Variants in CCDC112 observed in about 807,000 individuals in gnomAD.
CCDC112 encodes coiled-coil domain containing 112.
A neutral mutation model predicts 66.3 loss-of-function variants in CCDC112; 40 were observed. The observed-to-expected ratio is 0.60, with a 90% CI of 0.47 to 0.79. The LOEUF (loss-of-function observed/expected upper bound fraction) is 0.79. Among genes scored for constraint, CCDC112 ranks in the 30% least tolerant of loss-of-function variants. CCDC112 has a pLI of 0.00. For synonymous variants in CCDC112, 214 were observed against 197.2 expected (o/e 1.09, Z -0.71); for missense variants, 659 against 603.8 (o/e 1.09, Z -0.96).
chr5:115,280,772 T>A (rs1418200971), intron 2 of CCDC112, among the ~76,000 whole-genome samples: 1 of 152,082 alleles, frequency 6.6e-6, no homozygotes, highest in Non-Finnish European at 1.5e-5. Flanking sequence ...CAGGCTGGTC[T>A]TGAACTCCTG....
intron 2 of CCDC112, among the ~76,000 whole-genome samples, chr5:115,281,587 T>C (rs2963769): frequency 0.38 from 57,123 of 152,048 alleles, 11,292 homozygotes; most frequent in Middle Eastern, 0.6. Flanking sequence ...TGGGGAAAAT[T>C]ACTATGATAA....
At chr5:115,275,733 T>G (rs1291116868) in intron 5 of CCDC112, 127 bp from the exon 6 acceptor site, 8 of 772,958 alleles carry the variant, frequency 1.0e-5, no homozygotes, top group Non-Finnish European at 1.2e-5. Context: ...ATTTATAAAT[T>G]TAAGCCTTAA....
At chr5:115,279,903 A>G (rs1749379323) in intron 2 of CCDC112, 135 bp from the exon 3 acceptor site, 2 of 576,450 alleles carry the variant, frequency 3.5e-6, no homozygotes, top group African/African-American at 3.8e-5. Flanking sequence ...TACTTTGGTT[A>G]ATAAGGCTAA....
intron 1 of CCDC112, among the ~76,000 whole-genome samples, chr5:115,294,753 T>C (rs1054627243): frequency 6.6e-6 from 1 of 152,206 alleles, no homozygotes; most frequent in African/African-American, 2.4e-5. Flanking sequence ...TGTTAGGCTG[T>C]AGAATTTGTG....
chr5:115,285,281 A>G (rs1036488238), intron 1 of CCDC112, among the ~76,000 whole-genome samples: 3 of 152,186 alleles, frequency 2.0e-5, no homozygotes, highest in Admixed American at 6.5e-5. Context: ...TCTAGTGAGG[A>G]AAAACAGATT....
chr5:115,275,927 T>A (rs2127056922), intron 5 of CCDC112, 67 bp downstream of exon 5: 1 of 1,037,164 alleles, frequency 9.6e-7, no homozygotes, highest in Non-Finnish European at 1.5e-6. Context: ...TATACAAAAA[T>A]GTACTGGGGC....
rs911750827 is a variant in CCDC112, at chr5:115,296,576, C to A, written c.-33G>T. The A allele has an allele frequency of 3.5e-6, 5 of 1,440,416 alleles. No individual in the cohort carries two copies. The African/African-American group carries it at 7.4e-5, about 21-fold the overall frequency. 89.2% of individuals were successfully genotyped at this position (1,440,416 alleles called of 1,614,324 possible). A position where few individuals can be genotyped will look rare whatever the true frequency, so the allele number is the denominator to read the frequency against. The stretch of plus-strand genomic sequence containing the variant: ...CGCCGAGCTACTCGGGCCGCGGCGG[C>A]CACCGGTGCCTGGGGATTCGTGGCA... On this transcript the variant is annotated 5_prime_UTR_variant, in exon 1 of 10. Transcript: ENST00000379611.
chr5:115,268,868 TA>T lies in CCDC112; in HGVS notation c.1547+13del. The T allele has an allele frequency of 1.4e-6, 2 of 1,461,022 alleles. No homozygotes were observed. The highest frequency in any genetic ancestry group is 1.9e-6 in the Non-Finnish European group (2 of 1,070,542). 90.5% of individuals were successfully genotyped at this position (1,461,022 alleles called of 1,614,324 possible). A position where few individuals can be genotyped will look rare whatever the true frequency, so the allele number is the denominator to read the frequency against. ...TAAATTACTAAATGAACACCAATTC[TA>T]ACTCTTTCTTACCTATGTGGGATAT... On this transcript the variant is annotated intron_variant, in intron 9 of 9. Coordinates refer to ENST00000379611, the MANE Select transcript of CCDC112 (RefSeq NM_001040440.3).
chr5:115,269,459 C>G (rs1364798093), intron 8 of CCDC112: 1 of 444,086 alleles, frequency 2.3e-6, no homozygotes, highest in Non-Finnish European at 4.0e-6. Flanking sequence ...TTTTAAATGA[C>G]AAGTAGGGGG....
chr5:115,283,182 GTTATTA>G (rs1200029585), intron 2 of CCDC112, among the ~76,000 whole-genome samples: 2 of 151,970 alleles, frequency 1.3e-5, no homozygotes, highest in Non-Finnish European at 2.9e-5. Context: ...CATACAATAC[GTTATTA>G]TTAACTATAC....
At position 115,271,399 on chromosome 5, in the gene CCDC112, C is replaced by T; in HGVS notation, c.1146G>A (p.Glu382=). 4 of 1,608,154 alleles carry T rather than the reference C, an allele frequency of 2.5e-6. No individual in the cohort carries two copies. Among genetic ancestry groups the T allele is most frequent in the South Asian group, 2.3e-5 (2 of 88,826 alleles). The change falls in exon 7 of 10, where the codon GAG becomes GAA. Residue 382 remains glutamate (E), a synonymous_variant. Coordinates refer to ENST00000379611, the MANE Select transcript of CCDC112 (RefSeq NM_001040440.3). ...GTTCTTTCTGATGTTTTTTCTCTTT[C>T]TCTTCTTCTTCTTTTAACTGGGAAG... ...KCASQLKEEE[E]KEKKHQKERQ... is the part of the protein sequence containing the mutation.
In CCDC112 at chr5:115,269,699, G is replaced by A. The variant is rs1047307216; in HGVS notation, c.1428+4C>T. 1.9e-6 allele frequency: 3 copies of A among 1,573,960 alleles called. No individual in the cohort carries two copies. Among genetic ancestry groups the A allele is most frequent in the Non-Finnish European group, 2.6e-6 (3 of 1,154,042 alleles). ...ACAATGAAAATAATCTCGGTGCAGA[G>A]TACCTTTTCTTTTAATTTTGCCAGT... On this transcript the variant is annotated splice_donor_region_variant and intron_variant, in intron 8 of 9. Coordinates refer to ENST00000379611, the MANE Select transcript of CCDC112 (RefSeq NM_001040440.3).
At chr5:115,296,332 G>T in intron 1 of CCDC112, 95 bp downstream of exon 1, 4 of 1,366,564 alleles carry the variant, frequency 2.9e-6, no homozygotes, top group Non-Finnish European at 3.8e-6. Flanking sequence ...GGCGAACGCC[G>T]CGCCTCCCGC....
intron 1 of CCDC112, among the ~76,000 whole-genome samples, chr5:115,295,106 C>T (rs1177165520): frequency 6.6e-6 from 1 of 152,162 alleles, no homozygotes; most frequent in Non-Finnish European, 1.5e-5. Flanking sequence ...CTGCTCCCCA[C>T]TCTGACAGCC....
At chr5:115,274,401 T>C (rs1198131616) in intron 6 of CCDC112, among the ~76,000 whole-genome samples, 1 of 152,182 alleles carries the variant, frequency 6.6e-6, no homozygotes, top group Non-Finnish European at 1.5e-5. Flanking sequence ...TCTGCCACAA[T>C]CAGGCGTTAT....
intron 4 of CCDC112, among the ~76,000 whole-genome samples, chr5:115,276,660 A>G (rs1197785606): frequency 6.6e-6 from 1 of 152,156 alleles, no homozygotes; most frequent in Admixed American, 6.6e-5. Context: ...TCTATAACAT[A>G]GATTCCCAAT....
At chr5:115,276,558 A>T (rs1316547496) in intron 4 of CCDC112, among the ~76,000 whole-genome samples, 1 of 152,152 alleles carries the variant, frequency 6.6e-6, no homozygotes, top group Non-Finnish European at 1.5e-5. Flanking sequence ...CTCAAAGACA[A>T]TTATTTCAAA....
intron 3 of CCDC112, among the ~76,000 whole-genome samples, chr5:115,279,205 T>G (rs1168940121): frequency 6.6e-6 from 1 of 152,192 alleles, no homozygotes; most frequent in Non-Finnish European, 1.5e-5. Context: ...TGCAATTATC[T>G]GACTTGATCA....
chr5:115,268,399 A>T (rs1380946767), intron 9 of CCDC112, among the ~76,000 whole-genome samples: 2 of 151,762 alleles, frequency 1.3e-5, no homozygotes, highest in African/African-American at 4.8e-5. Flanking sequence ...CCTCCCAAGT[A>T]CCTGGGACTA....
Sources: gnomAD v4.1 joint callset for allele counts (sites outside exome capture counted in the v4.1 genomes callset) on GRCh38, gnomAD v4.1.1 for gene constraint, MANE v1.5 for transcripts, NCBI Gene and HGNC (gene_info 2026-07-23, HGNC 2026-07-21) for gene names.